The following FAT3 variants were observed in gnomAD, a reference collection of about 807,000 sequenced individuals.
FAT3 encodes FAT atypical cadherin 3.
In FAT3, 95 loss-of-function variants were observed where a neutral mutation model predicts 310.2. The ratio of observed to expected loss-of-function variants is 0.31; its 90% CI spans 0.26 to 0.36. FAT3 has a LOEUF of 0.36. FAT3 is among the 10% of genes least tolerant of loss of function. The pLI, the probability that FAT3 is intolerant of heterozygous loss-of-function variation, is 1.00. For missense variants in FAT3, 5,408 were observed against 5,715.6 expected (o/e 0.95, Z 1.74); for synonymous variants, 2,314 against 2,192.9 (o/e 1.06, Z -1.54).
At chr11:92,756,862 C>G (rs955266190) in intron 4 of FAT3, among the ~76,000 whole-genome samples, 8 of 150,482 alleles carry the variant, frequency 5.3e-5, no homozygotes, top group African/African-American at 1.2e-4. Flanking sequence ...TTGTAATTGT[C>G]CTGCCTCCTG....
At chr11:92,281,393 G>A (rs776656924) in intron 1 of FAT3, among the ~76,000 whole-genome samples, 20 of 152,124 alleles carry the variant, frequency 1.3e-4, no homozygotes, top group Admixed American at 5.9e-4. Context: ...TTGTAATCAA[G>A]AAAAGAACAA....
At chr11:92,306,820 C>T (rs930287821) in intron 1 of FAT3, among the ~76,000 whole-genome samples, 1 of 141,148 alleles carries the variant, frequency 7.1e-6, no homozygotes, top group African/African-American at 2.6e-5. Flanking sequence ...GAGTCTTGCT[C>T]TATTGCCCTT....
intron 4 of FAT3, among the ~76,000 whole-genome samples, chr11:92,757,810 C>T (rs1385955921): frequency 6.6e-6 from 1 of 152,186 alleles, no homozygotes. Context: ...GCTCACAGTG[C>T]ACTGAAGGAG....
At chr11:92,278,656 A>C (rs1565196868) in intron 1 of FAT3, among the ~76,000 whole-genome samples, 1 of 152,212 alleles carries the variant, frequency 6.6e-6, no homozygotes, top group Admixed American at 6.6e-5. Context: ...TAAGAAAATT[A>C]TAAGAACCTG....
In FAT3 at chr11:92,832,148, G is replaced by C. The variant is rs578170755; in HGVS notation, c.9871+137G>C. On this transcript the variant is annotated intron_variant, in intron 14 of 27. Transcript: ENST00000525166. ...GAGTTCAGGACTAGCCTGGACAACA[G>C]AGTGAGACCCTGTCTCTACAAAAAT... is the stretch of plus-strand genomic sequence containing the variant. 3 of 989,610 alleles carry C rather than the reference G, an allele frequency of 3.0e-6. No individual in the cohort carries two copies. The Admixed American group carries it at 8.8e-5, about 29-fold the overall frequency. 61.3% of individuals were successfully genotyped at this position (989,610 alleles called of 1,614,324 possible).
intron 3 of FAT3, 88 bp downstream of exon 3, chr11:92,525,036 A>AT: frequency 1.8e-6 from 2 of 1,119,452 alleles, no homozygotes; most frequent in Non-Finnish European, 2.6e-6. Flanking sequence ...CATTTACTTT[A>AT]TTTTCTAAAG....
intron 3 of FAT3, among the ~76,000 whole-genome samples, chr11:92,602,819 A>AAG (rs1323062831): frequency 1.8e-4 from 28 of 152,216 alleles, no homozygotes; most frequent in Non-Finnish European, 3.4e-4. Flanking sequence ...TCCAAGAAGA[A>AAG]TAAAGTAGGG....
At chr11:92,283,967 T>C (rs567827272) in intron 1 of FAT3, among the ~76,000 whole-genome samples, 1 of 152,230 alleles carries the variant, frequency 6.6e-6, no homozygotes, top group African/African-American at 2.4e-5. Flanking sequence ...CTTTATTAAA[T>C]CTCTTATCTT....
intron 4 of FAT3, among the ~76,000 whole-genome samples, chr11:92,722,659 A>G (rs1223933029): frequency 1.3e-5 from 2 of 152,202 alleles, no homozygotes; most frequent in East Asian, 3.8e-4. Flanking sequence ...CCACCCCTGC[A>G]GCAAACTTCT....
intron 3 of FAT3, among the ~76,000 whole-genome samples, chr11:92,624,957 G>C (rs551291726): frequency 5.0e-4 from 76 of 152,292 alleles, no homozygotes; most frequent in African/African-American, 1.7e-3. Context: ...TTCTGTCTCT[G>C]TATCCAGATT....
Position 92,883,226 on chromosome 11 carries a change from G to C in FAT3, c.12770G>C (p.Gly4257Ala), listed in dbSNP as rs2136416011. Residue 4257 changes from glycine (G) to alanine (A), a missense_variant, in exon 24 of 28, where the codon GGA becomes GCA. This residue lies in a region of FAT3 where 649 missense variants were observed against 666.2 expected (regional missense o/e 0.97). Coordinates refer to ENST00000525166, the MANE Select transcript of FAT3 (RefSeq NM_001367949.2). The surrounding 1 kb of genome is among the most constrained non-coding windows in gnomAD (Gnocchi z 4.2). ...CTGGATAAGATCGTGGACGGGCTGG[G>C]AGGCGAGCACCAGGAAATGACCACG... Reference protein sequence around the residue: ...SNLDKIVDGLGGEHQEMTTFH... With the variant: ...SNLDKIVDGLAGEHQEMTTFH... The C allele has an allele frequency of 6.2e-7, 1 of 1,613,094 alleles. No individual in the cohort carries two copies. The highest frequency in any genetic ancestry group is 1.1e-5 in the South Asian group (1 of 91,086).
At chr11:92,304,777 G>A (rs1189556949) in intron 1 of FAT3, among the ~76,000 whole-genome samples, 1 of 152,032 alleles carries the variant, frequency 6.6e-6, no homozygotes, top group African/African-American at 2.4e-5. Context: ...ACAGGCATGG[G>A]GTCCAAGAAT....
At chr11:92,244,727 G>T (rs1045738816) in intron 1 of FAT3, among the ~76,000 whole-genome samples, 1 of 151,992 alleles carries the variant, frequency 6.6e-6, no homozygotes, top group African/African-American at 2.4e-5. Flanking sequence ...TTACGGTGGG[G>T]CTTAAAAATT....
chr11:92,355,045 A>C lies in FAT3; in HGVS notation c.2933A>C (p.Asp978Ala), dbSNP rs1948693318. The change falls in exon 2 of 28, where the codon GAC (aspartate) becomes GCC (alanine). Residue 978 changes from aspartate to alanine, a missense_variant. By Grantham distance (126) the Asp-to-Ala change is moderately radical (BLOSUM62 -2). Around this residue, in one of 5 missense-constraint regions of FAT3, gnomAD observed 4,588 missense variants for 4,809.8 expected, o/e 0.95. Transcript: ENST00000525166. ...CAAGTGCGCTATTCTTTGGTCAATG[A>C]CTATAATGGGAGATTTGAAATAGAT... is the stretch of plus-strand genomic sequence containing the variant. ...GGQVRYSLVN[D>A]YNGRFEIDKA... The C allele has an allele frequency of 6.2e-7, 1 of 1,613,650 alleles. No individual in the cohort carries two copies. The highest frequency in any genetic ancestry group is 1.3e-5 in the African/African-American group (1 of 74,910).
At chr11:92,650,026 G>A (rs1021646177) in intron 3 of FAT3, among the ~76,000 whole-genome samples, 19 of 151,432 alleles carry the variant, frequency 1.3e-4, no homozygotes, top group African/African-American at 4.4e-4. Flanking sequence ...CTTTGTATAC[G>A]GTGAAGAAAA....
chr11:92,557,623 G>A (rs1251189606), intron 3 of FAT3, among the ~76,000 whole-genome samples: 1 of 152,172 alleles, frequency 6.6e-6, no homozygotes, highest in African/African-American at 2.4e-5. Flanking sequence ...ATCAGATTCT[G>A]TGCCCCACCT....
intron 2 of FAT3, among the ~76,000 whole-genome samples, chr11:92,363,656 C>T (rs935104909): frequency 1.3e-5 from 2 of 152,096 alleles, no homozygotes; most frequent in African/African-American, 2.4e-5. Flanking sequence ...TTTTTACTCT[C>T]GCCCATCTAA....
Position 92,344,775 on chromosome 11 carries a change from C to T in FAT3, c.-17-7321C>T, listed in dbSNP as rs367952359. The stretch of plus-strand genomic sequence containing the variant: ...AGGCATTAAGTTTGTGGGTGGAAAA[C>T]ATAAACGGTAACACATCCCGATTGA... On this transcript the variant is annotated intron_variant, in intron 1 of 27. Transcript: ENST00000525166. Among the ~76,000 whole-genome samples, 40 of 152,204 alleles carry T rather than the reference C, an allele frequency of 2.6e-4. No homozygotes were observed. In the East Asian group the frequency reaches 4.7e-3, roughly 18 times the overall value.
intron 21 of FAT3, among the ~76,000 whole-genome samples, chr11:92,864,173 C>T (rs943926468): frequency 7.2e-5 from 11 of 152,128 alleles, no homozygotes; most frequent in African/African-American, 2.7e-4. Flanking sequence ...GAATATGTAA[C>T]TTGGTGATTA....
Sources: gnomAD v4.1 joint callset for allele counts (sites outside exome capture counted in the v4.1 genomes callset) on GRCh38, gnomAD v4.1.1 for gene constraint, gnomAD v4.1.1 regional missense constraint, Gnocchi (gnomAD v3.1) non-coding constraint, MANE v1.5 for transcripts, NCBI Gene and HGNC (gene_info 2026-07-23, HGNC 2026-07-21) for gene names.